Variants in DMD observed in about 807,000 individuals in gnomAD.
DMD encodes dystrophin, also known as mutant dystrophin.
In DMD, 63 loss-of-function variants were observed where a neutral mutation model predicts 330.1. The ratio of observed to expected loss-of-function variants is 0.19; its 90% CI spans 0.16 to 0.24. The LOEUF (loss-of-function observed/expected upper bound fraction) is 0.24, where lower values mean the gene tolerates loss of function less well. DMD is among the 10% of genes least tolerant of loss of function. The probability of loss-of-function intolerance (pLI) is 1.00; values close to 1 mark genes in which losing one functional copy is unlikely to be tolerated. For synonymous variants in DMD, 1,223 were observed against 959.8 expected, an observed-to-expected ratio of 1.27 and a Z score of -5.07; for missense variants, 3,344 against 2,684.1, an observed-to-expected ratio of 1.25 and a Z score of -5.43.
chrX:32,118,005 C>G (rs773722302), intron 44 of DMD, among the ~76,000 whole-genome samples: 1 of 111,026 alleles, frequency 9.0e-6, no homozygotes, highest in Non-Finnish European at 1.9e-5. Flanking sequence ...AGGCTTATAA[C>G]TGTAAAATCA....
chrX:32,842,054 T>C (rs2080208315), intron 4 of DMD, among the ~76,000 whole-genome samples: 1 of 112,435 alleles, frequency 8.9e-6, no homozygotes, highest in Non-Finnish European at 1.9e-5. Context: ...CCCAAAGTCA[T>C]ATAAATTTCC....
intron 9 of DMD, among the ~76,000 whole-genome samples, chrX:32,674,153 A>G (rs1025716281): frequency 8.9e-6 from 1 of 112,018 alleles, no homozygotes; most frequent in African/African-American, 3.2e-5. Flanking sequence ...GCAGGATATA[A>G]TATCTGTTTC....
At chrX:32,800,963 G>A (rs896756228) in intron 7 of DMD, among the ~76,000 whole-genome samples, 1 of 111,336 alleles carries the variant, frequency 9.0e-6, no homozygotes, top group African/African-American at 3.3e-5. Flanking sequence ...ATGGGCATTT[G>A]GGTTGGTTTC....
intron 67 of DMD, among the ~76,000 whole-genome samples, chrX:31,198,984 ACT>A (rs2043177629): frequency 9.0e-6 from 1 of 111,708 alleles, no homozygotes; most frequent in African/African-American, 3.3e-5. Flanking sequence ...ACACATTAAC[ACT>A]CTGTCATTTC....
intron 6 of DMD, among the ~76,000 whole-genome samples, chrX:32,809,895 A>G (rs1343100776): frequency 1.0e-5 from 1 of 97,071 alleles, no homozygotes; most frequent in Admixed American, 1.2e-4. Flanking sequence ...CAGCCTAGAC[A>G]ATTTGGTGAA....
chrX:32,194,731 A>G (rs1160806680), intron 44 of DMD, among the ~76,000 whole-genome samples: 1 of 112,060 alleles, frequency 8.9e-6, no homozygotes, highest in African/African-American at 3.2e-5. Flanking sequence ...ATGTTTTAGA[A>G]AGTGAGGAAG....
At chrX:32,535,679 G>C (rs765790271) in intron 17 of DMD, among the ~76,000 whole-genome samples, 3 of 111,306 alleles carry the variant, frequency 2.7e-5, no homozygotes, top group South Asian at 3.8e-4. Flanking sequence ...CCTGCGCTGC[G>C]TCTCAGTTTT....
chrX:32,516,829 T>G (rs1393406789), intron 18 of DMD: 1 of 111,827 alleles, frequency 8.9e-6, no homozygotes, highest in African/African-American at 3.2e-5. Flanking sequence ...ATATATTATC[T>G]TTCAGTTTTC....
At chrX:31,807,158 C>T (rs1339901323) in intron 50 of DMD, among the ~76,000 whole-genome samples, 1 of 111,586 alleles carries the variant, frequency 9.0e-6, no homozygotes, top group Admixed American at 9.6e-5. Context: ...TTCATTTCTA[C>T]GATTTCATGC....
intron 16 of DMD, 68 bp from the exon 17 acceptor site, chrX:32,545,402 G>A (rs2048873956): frequency 4.8e-6 from 5 of 1,052,069 alleles, no homozygotes; most frequent in Non-Finnish European, 6.6e-6. Flanking sequence ...GCTTGGAGTG[G>A]CAAAGGAAAA....
chrX:32,516,739 T>G (rs1396060000), intron 18 of DMD: 1 of 111,586 alleles, frequency 9.0e-6, no homozygotes, highest in Non-Finnish European at 1.9e-5. Context: ...CTAAGAGAAT[T>G]TCCCTCAAAA....
At chrX:32,467,383 T>C (rs2040139158) in intron 23 of DMD, among the ~76,000 whole-genome samples, 2 of 111,177 alleles carry the variant, frequency 1.8e-5, no homozygotes, top group African/African-American at 3.3e-5. Flanking sequence ...TTACTGTTTT[T>C]CTTTAGCTTG....
At position 31,787,808 on chromosome X, in the gene DMD, T is replaced by C. The variant is rs1323593893; in HGVS notation, c.7310-13616A>G. ...CTAGCTACATCAAAATCAATTTATG[T>C]TTTTATTTAACTTGTAGAAAACCAT... is the stretch of plus-strand genomic sequence containing the variant. On this transcript the variant is annotated intron_variant, in intron 50 of 78. Coordinates refer to ENST00000357033, the MANE Select transcript of DMD (RefSeq NM_004006.3). Among the ~76,000 whole-genome samples, 3 of 112,085 alleles carry C rather than the reference T, an allele frequency of 2.7e-5. No individual in the cohort carries two copies. In the East Asian group the frequency reaches 8.3e-4, roughly 31 times the overall value.
intron 55 of DMD, among the ~76,000 whole-genome samples, chrX:31,567,462 A>G (rs984948290): frequency 1.7e-4 from 19 of 111,501 alleles, no homozygotes; most frequent in Non-Finnish European, 3.0e-4. Flanking sequence ...TGCATCAATC[A>G]ATATAATCAT....
At chrX:32,356,381 A>T (rs1161224579) in intron 37 of DMD, among the ~76,000 whole-genome samples, 124 of 18,930 alleles carry the variant, frequency 6.6e-3, no homozygotes, top group Admixed American at 0.014. Context: ...AATGGAAGTA[A>T]AAAAAAAAAA....
At chrX:32,884,032 T>C (rs1453924377) in intron 2 of DMD, among the ~76,000 whole-genome samples, 1 of 109,660 alleles carries the variant, frequency 9.1e-6, no homozygotes, top group East Asian at 2.8e-4. Flanking sequence ...ATGTACTCTA[T>C]CCCTTGCCTG....
rs765737579 is a variant in DMD, at chrX:32,463,484, T to C, written c.3387A>G (p.Thr1129=). 8.3e-7 allele frequency: 1 copy of C among 1,208,234 alleles called. No homozygotes were observed. Among genetic ancestry groups the C allele is most frequent in the South Asian group, 1.8e-5 (1 of 56,134 alleles). The change falls in exon 25 of 79, where the codon ACA becomes ACG. Residue 1129 remains threonine (T), a synonymous_variant. Transcript: ENST00000357033. ...AEPEFASRLE[T]ELKELNTQWD... is the part of the protein sequence containing the mutation. ...ACTGAGTGTTAAGTTCTTTGAGTTC[T>C]GTCTCAAGTCTCGAAGCAAACTCTG...
At chrX:33,106,051 ACAC>A (rs770160751) in intron 1 of DMD, among the ~76,000 whole-genome samples, 13,908 of 40,590 alleles carry the variant, frequency 0.34, 979 homozygotes, top group African/African-American at 0.46. Flanking sequence ...TGAGATACAC[ACAC>A]CACACACACA....
intron 44 of DMD, among the ~76,000 whole-genome samples, chrX:32,016,530 C>T (rs2095762171): frequency 9.0e-6 from 1 of 110,887 alleles, no homozygotes. Flanking sequence ...TCCAGCACTT[C>T]CTAGCAGTGC....
Sources: gnomAD v4.1 joint callset for allele counts (sites outside exome capture counted in the v4.1 genomes callset) on GRCh38, gnomAD v4.1.1 for gene constraint, MANE v1.5 for transcripts, NCBI Gene and HGNC (gene_info 2026-07-23, HGNC 2026-07-21) for gene names.